Variants in LRRC8A observed in about 807,000 individuals in gnomAD.
The protein encoded by LRRC8A is leucine rich repeat containing 8 VRAC subunit A, also known as volume-regulated anion channel subunit LRRC8A.
Under a neutral mutation model 52.5 loss-of-function variants are expected in LRRC8A, and 24 were observed. That is an observed-to-expected ratio of 0.46 (90% CI 0.33 to 0.64). The LOEUF is 0.64. LRRC8A is among the 30% of genes least tolerant of loss of function. The pLI is 0.02. For missense variants in LRRC8A, 677 were observed against 1,094.7 expected, an observed-to-expected ratio of 0.62 and a Z score of 5.38; for synonymous variants, 492 against 494.2, an observed-to-expected ratio of 1.00 and a Z score of 0.06.
intron 3 of LRRC8A, among the ~76,000 whole-genome samples, chr9:128,915,209 C>T (rs963008914): frequency 6.6e-6 from 1 of 152,168 alleles, no homozygotes; most frequent in African/African-American, 2.4e-5. Context: ...CCAAGGTCCC[C>T]CGTGGATGCC....
In LRRC8A at chr9:128,898,961, C is replaced by T. The variant is rs144866207; in HGVS notation, c.-8-8196C>T. On this transcript the variant is annotated intron_variant, in intron 2 of 3. Coordinates refer to ENST00000372600, the MANE Select transcript of LRRC8A (RefSeq NM_019594.4). ...GAAGGCGTCCTGGCTCCTGGATAGC[C>T]CCTCCCTCTCTGCCAGCTGGAGGCC... is the stretch of plus-strand genomic sequence containing the variant. 4.5e-3 allele frequency among the ~76,000 whole-genome samples: 686 copies of T among 152,300 alleles called. 4 individuals are homozygous for T. The highest frequency in any genetic ancestry group is 0.014 in the Middle Eastern group (4 of 294).
At chr9:128,897,958 C>T (rs1390328463) in intron 2 of LRRC8A, among the ~76,000 whole-genome samples, 14 of 135,054 alleles carry the variant, frequency 1.0e-4, no homozygotes, top group African/African-American at 1.4e-4. Flanking sequence ...GAGACTCTGT[C>T]TCAAAAAAAA....
chr9:128,914,061 C>T (rs1029919578), intron 3 of LRRC8A, among the ~76,000 whole-genome samples: 2 of 152,034 alleles, frequency 1.3e-5, no homozygotes, highest in Admixed American at 6.6e-5. Flanking sequence ...AAAAATTAGC[C>T]GGGCATGGTG....
chr9:128,906,824 G>A (rs1231620612), intron 2 of LRRC8A, among the ~76,000 whole-genome samples: 3 of 152,172 alleles, frequency 2.0e-5, no homozygotes, highest in African/African-American at 7.2e-5. Flanking sequence ...AGGAGTTCCC[G>A]ATTGCTCTTA....
chr9:128,894,351 G>T (rs1365537123), intron 2 of LRRC8A, among the ~76,000 whole-genome samples: 1 of 151,982 alleles, frequency 6.6e-6, no homozygotes, highest in Non-Finnish European at 1.5e-5. Context: ...GGGCATTGTG[G>T]TGGGTGCCTA....
In LRRC8A at chr9:128,911,130, G is replaced by A. The variant is rs184052294; in HGVS notation, c.2157+1809G>A. 6.6e-6 allele frequency among the ~76,000 whole-genome samples: 1 copy of A among 152,172 alleles called. No individual in the cohort carries two copies. Among genetic ancestry groups the A allele is most frequent in the East Asian group, 1.9e-4 (1 of 5,168 alleles). ...CAGGCACGGAGGGAGGTGGCCCCTG[G>A]AATGCCCTGTCTGTCCTCCTGGGCC... On this transcript the variant is annotated intron_variant, in intron 3 of 3. Coordinates refer to ENST00000372600, the MANE Select transcript of LRRC8A (RefSeq NM_019594.4). This position sits in a 1 kb window ranked among gnomAD's most constrained non-coding sequence, Gnocchi z 4.9.
intron 3 of LRRC8A, 116 bp downstream of exon 3, chr9:128,909,437 G>A: frequency 9.1e-6 from 9 of 988,308 alleles, no homozygotes; most frequent in African/African-American, 1.6e-5. Flanking sequence ...TGAGTGTGGA[G>A]TCCTCACCTG....
In LRRC8A at chr9:128,907,472, G is replaced by A. The variant is rs1466153382; in HGVS notation, c.308G>A (p.Arg103Gln). The change falls in exon 3 of 4, where the codon CGG becomes CAG. Residue 103 changes from arginine (R) to glutamine (Q), a missense_variant. By Grantham distance (43) the Arg-to-Gln change is conservative. Around this residue, in one of 4 missense-constraint regions of LRRC8A, gnomAD observed 422 missense variants for 741.5 expected, o/e 0.57. Transcript: ENST00000372600. This position sits in a 1 kb window ranked among gnomAD's most constrained non-coding sequence, Gnocchi z 9.3. ...GPTGIKYDLD[R>Q]HQYNYVDAVC... ...ACAGGCATCAAGTATGACCTGGACC[G>A]GCACCAGTACAACTACGTGGACGCT... The A allele has an allele frequency of 6.2e-7, 1 of 1,613,920 alleles. No individual in the cohort carries two copies. Among genetic ancestry groups the A allele is most frequent in the Non-Finnish European group, 8.5e-7 (1 of 1,180,018 alleles).
rs565702819 is a variant in LRRC8A at position 128,907,353 on chromosome 9, C to T, written c.189C>T (p.Asp63=). ...ICLPCKWVTK[D]SCNDSFRGWA... ...TGCCTTGTAAGTGGGTCACCAAGGA[C>T]TCCTGCAATGATTCGTTCCGGGGCT... Residue 63 remains aspartate (D), a synonymous_variant, in exon 3 of 4, where the codon GAC becomes GAT. Transcript: ENST00000372600. The surrounding 1 kb of genome is among the most constrained non-coding windows in gnomAD (Gnocchi z 9.3). The T allele has an allele frequency of 2.5e-6, 4 of 1,613,832 alleles. No homozygotes were observed. Among genetic ancestry groups the T allele is most frequent in the African/African-American group, 2.7e-5 (2 of 75,042 alleles).
chr9:128,900,503 G>A (rs1839983355), intron 2 of LRRC8A, among the ~76,000 whole-genome samples: 1 of 151,936 alleles, frequency 6.6e-6, no homozygotes, highest in Non-Finnish European at 1.5e-5. Context: ...GAGGTCAGGA[G>A]TTTAAGACCA....
At chr9:128,912,273 C>T (rs983326464) in intron 3 of LRRC8A, among the ~76,000 whole-genome samples, 4 of 152,114 alleles carry the variant, frequency 2.6e-5, no homozygotes, top group African/African-American at 7.2e-5. Flanking sequence ...TGGAGCAAGG[C>T]GCCGGGGACA....
At chr9:128,885,413 C>T (rs961711658) in intron 1 of LRRC8A, 11 of 152,352 alleles carry the variant, frequency 7.2e-5, no homozygotes, top group African/African-American at 1.7e-4. Context: ...TTCCTCCTGC[C>T]TGGAATGCTC....
At chr9:128,891,072 A>C (rs1588200263) in intron 2 of LRRC8A, among the ~76,000 whole-genome samples, 1 of 152,016 alleles carries the variant, frequency 6.6e-6, no homozygotes, top group African/African-American at 2.4e-5. Flanking sequence ...GGAGTTCAAG[A>C]CCAGCCTGGC....
intron 2 of LRRC8A, among the ~76,000 whole-genome samples, chr9:128,891,713 T>C (rs1839629515): frequency 1.3e-5 from 2 of 152,192 alleles, no homozygotes; most frequent in African/African-American, 4.8e-5. Context: ...TATGGCCTGA[T>C]GGGGTTCCCT....
chr9:128,883,818 C>G (rs1412153170), intron 1 of LRRC8A, among the ~76,000 whole-genome samples: 1 of 152,018 alleles, frequency 6.6e-6, no homozygotes. Flanking sequence ...ACTAAAAATA[C>G]AAAAAATTAG....
At chr9:128,903,322 C>G (rs1840101757) in intron 2 of LRRC8A, among the ~76,000 whole-genome samples, 1 of 152,130 alleles carries the variant, frequency 6.6e-6, no homozygotes, top group African/African-American at 2.4e-5. Context: ...ACATGGGGTC[C>G]TGCTCTGCCT....
chr9:128,892,749 C>T lies in LRRC8A; in HGVS notation c.-9+6628C>T, dbSNP rs578160138. Among the ~76,000 whole-genome samples the T allele has an allele frequency of 6.6e-6, 1 of 152,298 alleles. No individual in the cohort carries two copies. Among genetic ancestry groups the T allele is most frequent in the South Asian group, 2.1e-4 (1 of 4,824 alleles). On this transcript the variant is annotated intron_variant, in intron 2 of 3. Coordinates refer to ENST00000372600, the MANE Select transcript of LRRC8A (RefSeq NM_019594.4). The surrounding 1 kb of genome is among the most constrained non-coding windows in gnomAD (Gnocchi z 5.2). ...CCCGTGGTGGGAGCAGATCCACAGG[C>T]TTGGAACCCTCCCGGGACAGGGCCT...
chr9:128,889,475 G>GTT (rs557733910), intron 2 of LRRC8A, among the ~76,000 whole-genome samples: 6 of 143,570 alleles, frequency 4.2e-5, no homozygotes, highest in East Asian at 4.0e-4. Flanking sequence ...GACTGGACAG[G>GTT]TTTTTTTTTT....
intron 2 of LRRC8A, among the ~76,000 whole-genome samples, chr9:128,891,022 G>A (rs1019999637): frequency 6.6e-6 from 1 of 151,800 alleles, no homozygotes; most frequent in African/African-American, 2.4e-5. Flanking sequence ...CAGTGGCTCA[G>A]CACTTTGGGA....
Sources: gnomAD v4.1 joint callset for allele counts (sites outside exome capture counted in the v4.1 genomes callset) on GRCh38, gnomAD v4.1.1 for gene constraint, gnomAD v4.1.1 regional missense constraint, Gnocchi (gnomAD v3.1) non-coding constraint, MANE v1.5 for transcripts, NCBI Gene and HGNC (gene_info 2026-07-23, HGNC 2026-07-21) for gene names.